Variants in NRXN3 observed in about 807,000 individuals in gnomAD.
NRXN3 encodes neurexin 3, also known as neurexin III.
NRXN3 carries 32 observed loss-of-function variants against 137.6 expected under a neutral mutation model. The observed-to-expected ratio is 0.23, with a 90% confidence interval of 0.18 to 0.31. NRXN3 has a LOEUF of 0.31. Ranked by LOEUF, NRXN3 falls within the 10% of genes least tolerant of loss-of-function variation. NRXN3 has a pLI of 1.00. For synonymous variants in NRXN3, 798 were observed against 784.5 expected (o/e 1.02, Z -0.29); for missense variants, 1,574 against 2,062.5 (o/e 0.76, Z 4.59).
intron 15 of NRXN3, among the ~76,000 whole-genome samples, chr14:79,350,810 G>T (rs564538403): frequency 1.3e-5 from 2 of 152,238 alleles, no homozygotes; most frequent in South Asian, 4.1e-4. Context: ...GGCCTTTTAT[G>T]CAGTCCTACT....
rs182615843 is a variant in NRXN3 at position 79,548,009 on chromosome 14, G to C, written c.3444+80607G>C. Among the ~76,000 whole-genome samples the C allele has an allele frequency of 7.2e-5, 11 of 151,968 alleles. No homozygotes were observed. The East Asian group carries it at 1.4e-3, about 19-fold the overall frequency. Reference sequence around the variant, plus strand: ...GGAGAAGCCAAGAATAATTGAAGTAGTGTGTTATTTCTTTTTTTTTTAACT... The same window carrying C: ...GGAGAAGCCAAGAATAATTGAAGTACTGTGTTATTTCTTTTTTTTTTAACT... On this transcript the variant is annotated intron_variant, in intron 16 of 20. Transcript: ENST00000335750.
intron 19 of NRXN3, among the ~76,000 whole-genome samples, chr14:79,785,313 A>G (rs1603499330): frequency 6.6e-6 from 1 of 151,954 alleles, no homozygotes; most frequent in Non-Finnish European, 1.5e-5. Flanking sequence ...AGCCACTTAC[A>G]CCTCCTCTCG....
chr14:78,359,920 C>T (rs2084873788), intron 4 of NRXN3, among the ~76,000 whole-genome samples: 1 of 152,050 alleles, frequency 6.6e-6, no homozygotes, highest in Non-Finnish European at 1.5e-5. Flanking sequence ...CATCAATATC[C>T]CCCTGTCTCT....
chr14:79,665,626 G>GTGTT (rs887520912), intron 17 of NRXN3, among the ~76,000 whole-genome samples: 5 of 152,076 alleles, frequency 3.3e-5, no homozygotes, highest in Non-Finnish European at 7.4e-5. Context: ...AGGGTTTGTT[G>GTGTT]TGTTTCTGTT....
chr14:78,849,354 A>G (rs1466019934), intron 10 of NRXN3, among the ~76,000 whole-genome samples: 1 of 152,118 alleles, frequency 6.6e-6, no homozygotes, highest in Non-Finnish European at 1.5e-5. Context: ...CATATCATTC[A>G]ACTGGTGAGT....
intron 15 of NRXN3, chr14:79,247,098 C>A (rs1327598047): frequency 1.3e-5 from 2 of 152,074 alleles, no homozygotes; most frequent in East Asian, 3.9e-4. Context: ...GTTTTGCAAA[C>A]CATACTGTAA....
intron 4 of NRXN3, among the ~76,000 whole-genome samples, chr14:78,509,609 G>C (rs77154792): frequency 0.037 from 5,576 of 152,172 alleles, 310 homozygotes; most frequent in African/African-American, 0.12. Context: ...CCACAGACTT[G>C]GCCAGAGGAG....
chr14:78,505,585 T>A (rs527571341), intron 4 of NRXN3, among the ~76,000 whole-genome samples: 2 of 152,196 alleles, frequency 1.3e-5, no homozygotes, highest in South Asian at 2.1e-4. Context: ...ATAAAGATGA[T>A]AATTAGCCTG....
intron 16 of NRXN3, among the ~76,000 whole-genome samples, chr14:79,553,868 C>T (rs1049021513): frequency 2.6e-4 from 39 of 152,240 alleles, no homozygotes; most frequent in Middle Eastern, 3.4e-3. Context: ...TTTACAATCA[C>T]AACACAATAA....
chr14:78,933,223 T>A (rs1404294676), intron 10 of NRXN3, among the ~76,000 whole-genome samples: 1 of 152,256 alleles, frequency 6.6e-6, no homozygotes, highest in Non-Finnish European at 1.5e-5. Flanking sequence ...AGAATGTGGC[T>A]CATAGTTGGA....
intron 15 of NRXN3, among the ~76,000 whole-genome samples, chr14:79,070,358 C>T (rs192392380): frequency 6.6e-6 from 1 of 152,198 alleles, no homozygotes; most frequent in Non-Finnish European, 1.5e-5. Flanking sequence ...TGTAAAAGCA[C>T]TCCCAATAAC....
chr14:79,322,668 T>C (rs1257450593), intron 15 of NRXN3, among the ~76,000 whole-genome samples: 1 of 152,238 alleles, frequency 6.6e-6, no homozygotes, highest in Non-Finnish European at 1.5e-5. Context: ...AAAATAAACA[T>C]ATTAAATAAA....
At chr14:79,263,465 A>G (rs558059359) in intron 15 of NRXN3, among the ~76,000 whole-genome samples, 1 of 152,280 alleles carries the variant, frequency 6.6e-6, no homozygotes, top group Admixed American at 6.5e-5. Context: ...TATCTCATTC[A>G]TTAGTAACCA....
At chr14:78,725,107 C>G (rs1337224515) in intron 8 of NRXN3, among the ~76,000 whole-genome samples, 1 of 152,222 alleles carries the variant, frequency 6.6e-6, no homozygotes, top group African/African-American at 2.4e-5. Context: ...TCAGAAGCCT[C>G]ATGAAATCTG....
intron 16 of NRXN3, among the ~76,000 whole-genome samples, chr14:79,517,898 T>TTC (rs2097012412): frequency 1.4e-5 from 1 of 73,670 alleles, no homozygotes; most frequent in African/African-American, 1.2e-4. Context: ...TGACTTTCCT[T>TTC]TTTTTTTTTT....
Position 79,864,843 on chromosome 14 carries a change from C to G in NRXN3, c.*2879C>G, listed in dbSNP as rs1332079576. ...CTCGGCTCACTGCAAGCTCCGCCTC[C>G]CGGGTTCACACCATTCTCCTGCCTC... On this transcript the variant is annotated 3_prime_UTR_variant, in exon 21 of 21. Transcript: ENST00000335750. 1 of 152,220 alleles carries G rather than the reference C, an allele frequency of 6.6e-6. No individual in the cohort carries two copies. Among genetic ancestry groups the G allele is most frequent in the African/African-American group, 2.4e-5 (1 of 41,518 alleles). 9.4% of individuals were successfully genotyped at this position (152,220 alleles called of 1,614,324 possible). A position where few individuals can be genotyped will look rare whatever the true frequency, so the allele number is the denominator to read the frequency against.
chr14:78,893,819 G>A (rs1220040412), intron 10 of NRXN3, among the ~76,000 whole-genome samples: 1 of 151,900 alleles, frequency 6.6e-6, no homozygotes, highest in Non-Finnish European at 1.5e-5. Context: ...TGTGGGTGCA[G>A]TTCCAGACCA....
At chr14:78,189,758 G>A (rs893997427) in intron 1 of NRXN3, among the ~76,000 whole-genome samples, 2 of 152,084 alleles carry the variant, frequency 1.3e-5, no homozygotes, top group African/African-American at 2.4e-5. Context: ...GATAATTTTT[G>A]TATTTTTAGT....
At chr14:79,086,429 C>T (rs2048118440) in intron 15 of NRXN3, among the ~76,000 whole-genome samples, 1 of 152,158 alleles carries the variant, frequency 6.6e-6, no homozygotes, top group Non-Finnish European at 1.5e-5. Context: ...AATCTTCCTA[C>T]TGTATGCTCT....
Sources: allele counts gnomAD v4.1 joint callset (sites outside exome capture counted in the v4.1 genomes callset), GRCh38; gene constraint gnomAD v4.1.1; transcripts MANE v1.5; gene names NCBI Gene and HGNC (gene_info 2026-07-23, HGNC 2026-07-21).